Variants in LRMDA observed in about 807,000 individuals in gnomAD.
The protein encoded by LRMDA is leucine rich melanocyte differentiation associated.
Under a neutral mutation model 29.8 loss-of-function variants are expected in LRMDA, and 18 were observed. The observed-to-expected ratio is 0.60, with a 90% CI of 0.42 to 0.90. LRMDA has a LOEUF of 0.90. Among genes scored for constraint, LRMDA ranks in the 40% least tolerant of loss-of-function variants. LRMDA has a pLI of 0.00. For missense variants in LRMDA, 273 were observed against 273.9 expected (o/e 1.00, Z 0.02); for synonymous variants, 125 against 109.4 (o/e 1.14, Z -0.89).
chr10:75,962,316 C>G (rs1846782310), intron 2 of LRMDA, among the ~76,000 whole-genome samples: 1 of 152,186 alleles, frequency 6.6e-6, no homozygotes, highest in African/African-American at 2.4e-5. Context: ...AGAGCAGTGG[C>G]TTGCAAAGTG....
At chr10:75,762,330 T>C (rs1843107727) in intron 2 of LRMDA, among the ~76,000 whole-genome samples, 1 of 152,248 alleles carries the variant, frequency 6.6e-6, no homozygotes, top group African/African-American at 2.4e-5. Flanking sequence ...CACACATTTG[T>C]AAACTTTGTG....
chr10:76,538,904 G>A (rs1488893951), intron 6 of LRMDA, among the ~76,000 whole-genome samples: 1 of 151,984 alleles, frequency 6.6e-6, no homozygotes, highest in Admixed American at 6.6e-5. Context: ...TTCCACAAAT[G>A]TACAAAGAAT....
At chr10:75,935,111 T>A (rs531361259) in intron 2 of LRMDA, among the ~76,000 whole-genome samples, 2 of 152,274 alleles carry the variant, frequency 1.3e-5, no homozygotes, top group South Asian at 4.2e-4. Context: ...GAATCCTTTT[T>A]CTTTCCCGTC....
chr10:75,530,653 G>A (rs926243509), intron 2 of LRMDA, among the ~76,000 whole-genome samples: 1 of 152,134 alleles, frequency 6.6e-6, no homozygotes, highest in Non-Finnish European at 1.5e-5. Context: ...TGTGGGAATG[G>A]CTTTTCTCTG....
At chr10:76,083,831 C>CT in intron 5 of LRMDA, among the ~76,000 whole-genome samples, 1 of 111,356 alleles carries the variant, frequency 9.0e-6, no homozygotes, top group African/African-American at 3.4e-5. Flanking sequence ...TAGACTGCAT[C>CT]TCAAAAAAAA....
rs988441595 is a variant in LRMDA, at chr10:75,562,451, A to G, written c.131+123957A>G. Among the ~76,000 whole-genome samples the G allele has an allele frequency of 4.5e-4, 68 of 152,054 alleles. 1 individual carries two copies. Among genetic ancestry groups the G allele is most frequent in the African/African-American group, 1.6e-3 (65 of 41,352 alleles). The stretch of plus-strand genomic sequence containing the variant: ...TCTGCACGTGAGATGGGTTTCCTGA[A>G]TACAGCATGCTGATGGGTCTTGACT... On this transcript the variant is annotated intron_variant, in intron 2 of 6. Coordinates refer to ENST00000611255, the MANE Select transcript of LRMDA (RefSeq NM_001305581.2).
At chr10:76,231,848 T>C (rs950808780) in intron 5 of LRMDA, among the ~76,000 whole-genome samples, 10 of 152,176 alleles carry the variant, frequency 6.6e-5, no homozygotes, top group African/African-American at 2.2e-4. Context: ...ACACAGTTAG[T>C]TTGAGATTAG....
intron 2 of LRMDA, among the ~76,000 whole-genome samples, chr10:75,859,323 C>G (rs1359612245): frequency 6.6e-6 from 1 of 151,984 alleles, no homozygotes; most frequent in South Asian, 2.1e-4. Flanking sequence ...CAGTACTCAC[C>G]CCTCCCGGTG....
intron 2 of LRMDA, among the ~76,000 whole-genome samples, chr10:75,742,028 C>T (rs753179863): frequency 2.0e-5 from 3 of 152,172 alleles, no homozygotes; most frequent in Non-Finnish European, 4.4e-5. Context: ...ATGCCGGCAC[C>T]CTGACTAAGA....
In LRMDA at chr10:76,558,695, T is replaced by G. The variant is rs904907149; in HGVS notation, c.*1407T>G. 6.6e-6 allele frequency: 1 copy of G among 152,166 alleles called. No homozygotes were observed. The highest frequency in any genetic ancestry group is 1.9e-4 in the East Asian group (1 of 5,172). 9.4% of individuals were successfully genotyped at this position (152,166 alleles called of 1,614,324 possible). ...ATACTGAGGGACTAGGAGCTGCTATTGTAAAACTATGGGGACTCAGAATCC... is the reference window on the plus strand; with the variant it reads ...ATACTGAGGGACTAGGAGCTGCTATGGTAAAACTATGGGGACTCAGAATCC... On this transcript the variant is annotated 3_prime_UTR_variant, in exon 7 of 7. Transcript: ENST00000611255.
At chr10:76,481,334 AC>A (rs75052691) in intron 6 of LRMDA, among the ~76,000 whole-genome samples, 4,322 of 151,954 alleles carry the variant, frequency 0.028, 139 homozygotes, top group African/African-American at 0.072. Flanking sequence ...GCCTGAAATG[AC>A]CTTTTATTGG....
chr10:75,857,315 C>A (rs1359036), intron 2 of LRMDA, among the ~76,000 whole-genome samples: 108,193 of 151,472 alleles, frequency 0.71, 38,819 homozygotes, highest in East Asian at 0.84. Flanking sequence ...ACCTCCTTTC[C>A]AGTTGATGCA....
intron 6 of LRMDA, among the ~76,000 whole-genome samples, chr10:76,516,338 T>A (rs933478686): frequency 9.7e-5 from 13 of 133,430 alleles, no homozygotes; most frequent in African/African-American, 2.5e-4. Flanking sequence ...TAAGTTTTTT[T>A]TAAAATTATT....
At chr10:75,550,020 C>A (rs551914272) in intron 2 of LRMDA, among the ~76,000 whole-genome samples, 1 of 152,136 alleles carries the variant, frequency 6.6e-6, no homozygotes, top group South Asian at 2.1e-4. Context: ...TGTGAATGTA[C>A]CACAATTCTT....
intron 2 of LRMDA, among the ~76,000 whole-genome samples, chr10:75,455,777 G>A (rs757229669): frequency 2.0e-5 from 3 of 152,206 alleles, no homozygotes; most frequent in Admixed American, 6.5e-5. Flanking sequence ...AGAAGGGAGA[G>A]CATCTTCAAA....
rs1307501530 is a variant in LRMDA, at chr10:76,331,027, TTGGGAG to T, written c.601+6543_601+6548del. 5.9e-5 allele frequency among the ~76,000 whole-genome samples: 9 copies of T among 152,222 alleles called. No individual in the cohort carries two copies. The South Asian group carries it at 6.2e-4, about 11-fold the overall frequency. On this transcript the variant is annotated intron_variant, in intron 6 of 6. Transcript: ENST00000611255. ...GGCTCACGCCTGTAATCCCAGCACT[TTGGGAG>T]GCTGATGCAGGTGGATCACTTGAGG...
At chr10:76,484,925 A>G (rs1245055547) in intron 6 of LRMDA, among the ~76,000 whole-genome samples, 1 of 151,512 alleles carries the variant, frequency 6.6e-6, no homozygotes, top group African/African-American at 2.4e-5. Flanking sequence ...ATTTTCCTTT[A>G]CTAAAGTCAG....
intron 2 of LRMDA, among the ~76,000 whole-genome samples, chr10:75,864,781 T>C (rs1204931196): frequency 2.0e-5 from 3 of 152,238 alleles, no homozygotes; most frequent in Non-Finnish European, 4.4e-5. Context: ...ATATTCATTT[T>C]TGTTTTGAGG....
In LRMDA at chr10:75,966,480, G is replaced by A. The variant is rs150252310; in HGVS notation, c.132-69528G>A. On this transcript the variant is annotated intron_variant, in intron 2 of 6. Coordinates refer to ENST00000611255, the MANE Select transcript of LRMDA (RefSeq NM_001305581.2). ...CAGCATGCAGCAAGTCTGCTCCTTG[G>A]TCCTCTATCTTGCTGTCCTACCCAG... Among the ~76,000 whole-genome samples, 219 of 152,294 alleles carry A rather than the reference G, an allele frequency of 1.4e-3. 2 individuals carry two copies. The highest frequency in any genetic ancestry group is 5.0e-3 in the African/African-American group (208 of 41,562).
Sources: allele counts gnomAD v4.1 joint callset (sites outside exome capture counted in the v4.1 genomes callset), GRCh38; gene constraint gnomAD v4.1.1; transcripts MANE v1.5; gene names NCBI Gene and HGNC (gene_info 2026-07-23, HGNC 2026-07-21).